The following NIBAN2 variants were observed in gnomAD, a reference collection of about 807,000 sequenced individuals.
The protein encoded by NIBAN2 is niban apoptosis regulator 2.
NIBAN2 carries 36 observed loss-of-function variants against 81.8 expected under a neutral mutation model. The ratio of observed to expected loss-of-function variants is 0.44; its 90% CI spans 0.34 to 0.58. The LOEUF (loss-of-function observed/expected upper bound fraction) is 0.58. Ranked by LOEUF, NIBAN2 falls within the 20% of genes least tolerant of loss-of-function variation. The pLI, the probability that NIBAN2 is intolerant of heterozygous loss-of-function variation, is 0.02. For synonymous variants in NIBAN2, 445 were observed against 441.6 expected (o/e 1.01, Z -0.10); for missense variants, 897 against 1,014.1 (o/e 0.88, Z 1.57).
At chr9:127,553,650 C>T (rs918090941) in intron 1 of NIBAN2, among the ~76,000 whole-genome samples, 1 of 152,212 alleles carries the variant, frequency 6.6e-6, no homozygotes, top group African/African-American at 2.4e-5. Context: ...CCTCGTGCAG[C>T]GCATGCTTCT....
At chr9:127,515,337 G>A (rs1042426269) in intron 8 of NIBAN2, among the ~76,000 whole-genome samples, 5 of 151,912 alleles carry the variant, frequency 3.3e-5, no homozygotes, top group African/African-American at 4.8e-5. Context: ...TGGCTAACAC[G>A]GTGAAACCTT....
chr9:127,568,904 C>T lies in NIBAN2; in HGVS notation c.-30G>A. On this transcript the variant is annotated 5_prime_UTR_variant, in exon 1 of 14. Transcript: ENST00000373312. Reference sequence around the variant, plus strand: ...AGGAGGTGTCGCGGCCCGATCCGGCCGACGCCGCCGCTGTTGCCCGCGCTG... The same window carrying T: ...AGGAGGTGTCGCGGCCCGATCCGGCTGACGCCGCCGCTGTTGCCCGCGCTG... The T allele has an allele frequency of 1.6e-6, 2 of 1,261,244 alleles. No individual in the cohort carries two copies. Among genetic ancestry groups the T allele is most frequent in the Non-Finnish European group, 2.0e-6 (2 of 1,003,432 alleles). The allele number at this position is 1,261,244 out of a possible 1,614,324, so 78.1% of individuals were successfully genotyped here. A position where few individuals can be genotyped will look rare whatever the true frequency, so the allele number is the denominator to read the frequency against.
At chr9:127,575,230 C>CT (rs11309796) in intron 1 of NIBAN2, among the ~76,000 whole-genome samples, 58 of 122,522 alleles carry the variant, frequency 4.7e-4, no homozygotes, top group Middle Eastern at 4.4e-3. Flanking sequence ...AATATGGATT[C>CT]TTTTTTTTTT....
Position 127,510,343 on chromosome 9 carries a change from G to A in NIBAN2, c.974-10C>T, listed in dbSNP as rs370990792. 2.1e-5 allele frequency: 34 copies of A among 1,583,374 alleles called. No homozygotes were observed. The highest frequency in any genetic ancestry group is 3.5e-5 in the Admixed American group (2 of 57,790). On this transcript the variant is annotated splice_polypyrimidine_tract_variant and intron_variant, in intron 8 of 13. Coordinates refer to ENST00000373312, the MANE Select transcript of NIBAN2 (RefSeq NM_022833.4). Reference sequence around the variant, plus strand: ...TTGGGGAGGATGAAGGCTGTGCCCCGAGGGAGCCGGGTCAGCAGGGGCTCC... The same window carrying A: ...TTGGGGAGGATGAAGGCTGTGCCCCAAGGGAGCCGGGTCAGCAGGGGCTCC...
chr9:127,517,132 G>A lies in NIBAN2; in HGVS notation c.790C>T (p.Arg264Trp), dbSNP rs139508754. 2,335 of 1,613,784 alleles carry A rather than the reference G, an allele frequency of 1.4e-3. 6 individuals carry two copies. Among genetic ancestry groups the A allele is most frequent in the Non-Finnish European group, 1.8e-3 (2,098 of 1,179,834 alleles). The change falls in exon 7 of 14, where the codon CGG (arginine) becomes TGG (tryptophan). Residue 264 changes from arginine to tryptophan, a missense_variant. Transcript: ENST00000373312. The surrounding 1 kb of genome is among the most constrained non-coding windows in gnomAD (Gnocchi z 4.0). ...GPRLKGKPQERQRQWIQISDA... is the reference protein window; with the variant it reads ...GPRLKGKPQEWQRQWIQISDA... ...CCCACCTGGATCCACTGCCGCTGCC[G>A]CTCCTGCGGTTTCCCCTTCAGCCGC...
chr9:127,514,966 C>T (rs896505774), intron 8 of NIBAN2, among the ~76,000 whole-genome samples: 20 of 152,106 alleles, frequency 1.3e-4, no homozygotes, highest in Non-Finnish European at 2.1e-4. Flanking sequence ...GAGTTCGAGA[C>T]CAGCCTGGGC....
At chr9:127,530,689 C>T (rs1021182134) in intron 2 of NIBAN2, among the ~76,000 whole-genome samples, 1 of 152,234 alleles carries the variant, frequency 6.6e-6, no homozygotes, top group Non-Finnish European at 1.5e-5. Context: ...GGCACAACCA[C>T]CCTGTGAAGG....
intron 1 of NIBAN2, among the ~76,000 whole-genome samples, chr9:127,577,254 G>A (rs1335558089): frequency 6.6e-6 from 1 of 152,114 alleles, no homozygotes; most frequent in Non-Finnish European, 1.5e-5. Context: ...GTTGCAGTGA[G>A]CCGAGATTGC....
rs1290387002 is a variant in NIBAN2, at chr9:127,569,073, T to A, written c.-199A>T. On this transcript the variant is annotated 5_prime_UTR_variant, in exon 1 of 14. Transcript: ENST00000373312. Reference sequence around the variant, plus strand: ...GCCCCGTCCCTCCAGCCGGCCGCCTTGGCCCCCTCCCTGCCCTCGGCCCTG... The same window carrying A: ...GCCCCGTCCCTCCAGCCGGCCGCCTAGGCCCCCTCCCTGCCCTCGGCCCTG... 6 of 1,060,454 alleles carry A rather than the reference T, an allele frequency of 5.7e-6. No individual in the cohort carries two copies. The highest frequency in any genetic ancestry group is 6.8e-6 in the Non-Finnish European group (6 of 882,642). The allele number at this position is 1,060,454 out of a possible 1,614,324, so 65.7% of individuals were successfully genotyped here.
intron 1 of NIBAN2, among the ~76,000 whole-genome samples, chr9:127,550,290 A>C (rs1232862872): frequency 6.6e-6 from 1 of 152,188 alleles, no homozygotes; most frequent in East Asian, 1.9e-4. Flanking sequence ...TTCCTGACAC[A>C]TTGGGAAGCC....
intron 4 of NIBAN2, chr9:127,524,703 C>A: frequency 5.2e-6 from 1 of 193,762 alleles, no homozygotes; most frequent in Non-Finnish European, 1.1e-5. Flanking sequence ...GCAGGCATGT[C>A]CCCTGCCCTC....
At chr9:127,537,131 C>T (rs779449342) in intron 1 of NIBAN2, among the ~76,000 whole-genome samples, 1 of 152,232 alleles carries the variant, frequency 6.6e-6, no homozygotes, top group Non-Finnish European at 1.5e-5. Flanking sequence ...TGCCCTGCGG[C>T]CCCAGGTGCC....
At chr9:127,512,630 A>G (rs1381546436) in intron 8 of NIBAN2, among the ~76,000 whole-genome samples, 3 of 152,162 alleles carry the variant, frequency 2.0e-5, no homozygotes, top group Non-Finnish European at 4.4e-5. Flanking sequence ...CCTAAAATGT[A>G]TAAAACCAAG....
intron 1 of NIBAN2, among the ~76,000 whole-genome samples, chr9:127,554,948 A>G (rs1837641826): frequency 6.6e-6 from 1 of 152,190 alleles, no homozygotes; most frequent in South Asian, 2.1e-4. Context: ...ACAAAAAACA[A>G]AAAACAAAAA....
chr9:127,566,305 A>G (rs928809826), intron 1 of NIBAN2, among the ~76,000 whole-genome samples: 15 of 152,032 alleles, frequency 9.9e-5, no homozygotes, highest in Non-Finnish European at 2.2e-4. Context: ...GGAAACTGAG[A>G]CCCAGGGAGA....
chr9:127,521,998 C>T (rs1018288207), intron 5 of NIBAN2, among the ~76,000 whole-genome samples: 4 of 152,236 alleles, frequency 2.6e-5, no homozygotes, highest in African/African-American at 4.8e-5. Flanking sequence ...CCCTATCTGG[C>T]GCAGGTCACC....
At chr9:127,562,877 G>A (rs896238845) in intron 1 of NIBAN2, among the ~76,000 whole-genome samples, 1 of 152,180 alleles carries the variant, frequency 6.6e-6, no homozygotes, top group Non-Finnish European at 1.5e-5. Context: ...GATGCTTCCA[G>A]GGAGGTTTTA....
chr9:127,511,205 C>T lies in NIBAN2; in HGVS notation c.974-872G>A, dbSNP rs982880777. On this transcript the variant is annotated intron_variant, in intron 8 of 13. Transcript: ENST00000373312. Reference sequence around the variant, plus strand: ...GATTACAGGTGTGCACCACCATGCCCGGTGATTTTTTTTTGTATTTTTAGT... The same window carrying T: ...GATTACAGGTGTGCACCACCATGCCTGGTGATTTTTTTTTGTATTTTTAGT... 2.1e-5 allele frequency among the ~76,000 whole-genome samples: 3 copies of T among 145,310 alleles called. No homozygotes were observed. In the South Asian group the frequency reaches 6.4e-4, roughly 31 times the overall value.
At chr9:127,529,465 CCT>C (rs2132185467) in intron 2 of NIBAN2, among the ~76,000 whole-genome samples, 1 of 152,262 alleles carries the variant, frequency 6.6e-6, no homozygotes, top group Non-Finnish European at 1.5e-5. Context: ...ATGGTGAAAC[CCT>C]GTCTCTACTA....
Sources: gnomAD v4.1 joint callset for allele counts (sites outside exome capture counted in the v4.1 genomes callset) on GRCh38, gnomAD v4.1.1 for gene constraint, Gnocchi (gnomAD v3.1) non-coding constraint, MANE v1.5 for transcripts, NCBI Gene and HGNC (gene_info 2026-07-23, HGNC 2026-07-21) for gene names.